Variants in SGIP1 observed in about 807,000 individuals in gnomAD.
SGIP1 encodes SH3GL interacting endocytic adaptor 1, also known as SH3-containing GRB2-like protein 3-interacting protein 1.
A neutral mutation model predicts 107.5 loss-of-function variants in SGIP1; 38 were observed. The observed-to-expected ratio is 0.35, with a 90% CI of 0.27 to 0.46. SGIP1 has a LOEUF of 0.46. SGIP1 is among the 20% of genes least tolerant of loss of function. The pLI is 1.00. For synonymous variants in SGIP1, 365 were observed against 366.1 expected (o/e 1.00, Z 0.03); for missense variants, 929 against 1,019.5 (o/e 0.91, Z 1.21).
intron 1 of SGIP1, among the ~76,000 whole-genome samples, chr1:66,572,448 A>G (rs2060509572): frequency 6.6e-6 from 1 of 151,972 alleles, no homozygotes; most frequent in South Asian, 2.1e-4. Context: ...CCTAATTTCT[A>G]CCTAATTGCT....
chr1:66,635,937 A>G lies in SGIP1; in HGVS notation c.100-7A>G, dbSNP rs1483564502. Reference sequence around the variant, plus strand: ...ACTTTTTTCTACATGAAAACAATCAATTCCAGCAGCCCAGCCCACACGAAC... The same window carrying G: ...ACTTTTTTCTACATGAAAACAATCAGTTCCAGCAGCCCAGCCCACACGAAC... On this transcript the variant is annotated splice_polypyrimidine_tract_variant and splice_region_variant and intron_variant, in intron 3 of 24. Transcript: ENST00000371037. The G allele has an allele frequency of 1.1e-5, 18 of 1,613,536 alleles. No individual in the cohort carries two copies. The highest frequency in any genetic ancestry group is 1.7e-5 in the Admixed American group (1 of 59,918).
chr1:66,744,881 C>A lies in SGIP1; in HGVS notation c.*1786C>A, dbSNP rs2094532686. The A allele has an allele frequency of 6.6e-6, 1 of 152,288 alleles. No homozygotes were observed. The highest frequency in any genetic ancestry group is 6.6e-5 in the Admixed American group (1 of 15,254). 9.4% of individuals were successfully genotyped at this position (152,288 alleles called of 1,614,324 possible). A position where few individuals can be genotyped will look rare whatever the true frequency, so the allele number is the denominator to read the frequency against. On this transcript the variant is annotated 3_prime_UTR_variant, in exon 25 of 25. Transcript: ENST00000371037. Reference sequence around the variant, plus strand: ...TATACTCATTTTATGTAAAGGTATCCAATTTGATTTTGAAACCAAAATAGA... The same window carrying A: ...TATACTCATTTTATGTAAAGGTATCAAATTTGATTTTGAAACCAAAATAGA...
intron 18 of SGIP1, among the ~76,000 whole-genome samples, chr1:66,700,687 G>T (rs1025629833): frequency 6.6e-6 from 1 of 151,932 alleles, no homozygotes; most frequent in Non-Finnish European, 1.5e-5. Flanking sequence ...TTTTTGGGTT[G>T]TGAACATTCA....
intron 7 of SGIP1, among the ~76,000 whole-genome samples, chr1:66,648,751 T>C (rs4655649): frequency 0.14 from 21,482 of 152,132 alleles, 2,284 homozygotes; most frequent in East Asian, 0.51. Context: ...AAATATTTTG[T>C]TCTAGAATTT....
chr1:66,625,180 A>C (rs752217004), intron 1 of SGIP1, among the ~76,000 whole-genome samples: 7 of 152,220 alleles, frequency 4.6e-5, no homozygotes, highest in Non-Finnish European at 1.0e-4. Flanking sequence ...AGGATTAAGA[A>C]GCCCTGCAGA....
intron 7 of SGIP1, among the ~76,000 whole-genome samples, chr1:66,655,470 A>G (rs2079565208): frequency 6.6e-6 from 1 of 152,128 alleles, no homozygotes; most frequent in Non-Finnish European, 1.5e-5. Context: ...AATACTAAAT[A>G]CTTTCCTTAT....
At chr1:66,741,461 A>G in intron 24 of SGIP1, 25 bp downstream of exon 24, 1 of 1,537,260 alleles carries the variant, frequency 6.5e-7, no homozygotes, top group African/African-American at 1.4e-5. Flanking sequence ...TGATTTTTTC[A>G]TTTGCGAAAA....
At chr1:66,564,736 C>T (rs1187698582) in intron 1 of SGIP1, among the ~76,000 whole-genome samples, 1 of 151,856 alleles carries the variant, frequency 6.6e-6, no homozygotes, top group Non-Finnish European at 1.5e-5. Flanking sequence ...TAACTTTGAT[C>T]TAGTGGTCAC....
At chr1:66,742,362 G>GT (rs949954901) in intron 24 of SGIP1, among the ~76,000 whole-genome samples, 24 of 148,036 alleles carry the variant, frequency 1.6e-4, no homozygotes, top group South Asian at 4.3e-4. Context: ...ATAAATCCTG[G>GT]TTTTTTTATG....
At chr1:66,540,168 T>C (rs2054582101) in intron 1 of SGIP1, among the ~76,000 whole-genome samples, 1 of 151,994 alleles carries the variant, frequency 6.6e-6, no homozygotes, top group Non-Finnish European at 1.5e-5. Flanking sequence ...ATGAAACAAT[T>C]AGGAAATAAG....
intron 22 of SGIP1, among the ~76,000 whole-genome samples, 169 bp from the exon 23 acceptor site, chr1:66,740,489 G>A (rs920805499): frequency 6.6e-6 from 1 of 152,102 alleles, no homozygotes; most frequent in South Asian, 2.1e-4. Flanking sequence ...GGAAAAAAGA[G>A]ATTTATGTAT....
At chr1:66,645,107 A>G (rs1178055132) in intron 7 of SGIP1, among the ~76,000 whole-genome samples, 1 of 152,168 alleles carries the variant, frequency 6.6e-6, no homozygotes, top group Non-Finnish European at 1.5e-5. Flanking sequence ...TGTGCAGTTT[A>G]TTTTATTCAC....
At chr1:66,589,659 G>A (rs2063313512) in intron 1 of SGIP1, among the ~76,000 whole-genome samples, 2 of 151,938 alleles carry the variant, frequency 1.3e-5, no homozygotes, top group Admixed American at 1.3e-4. Context: ...ATTACCCCCA[G>A]CCCCTGAATT....
intron 17 of SGIP1, chr1:66,694,822 T>C: frequency 3.5e-6 from 1 of 287,016 alleles, no homozygotes; most frequent in Non-Finnish European, 6.4e-6. Flanking sequence ...TCACTGCTTT[T>C]TAATTTAAAA....
At chr1:66,534,983 G>C (rs1444268145) in intron 1 of SGIP1, among the ~76,000 whole-genome samples, 1 of 152,118 alleles carries the variant, frequency 6.6e-6, no homozygotes, top group African/African-American at 2.4e-5. Context: ...CTGATTCGGG[G>C]TCTTATCAGG....
intron 1 of SGIP1, among the ~76,000 whole-genome samples, chr1:66,615,236 G>A (rs1458499983): frequency 6.6e-6 from 1 of 152,134 alleles, no homozygotes; most frequent in Non-Finnish European, 1.5e-5. Flanking sequence ...CCAGTTTCAA[G>A]CTATTCTCCT....
intron 1 of SGIP1, among the ~76,000 whole-genome samples, chr1:66,576,410 G>T (rs146508009): frequency 6.6e-6 from 1 of 152,158 alleles, no homozygotes; most frequent in African/African-American, 2.4e-5. Flanking sequence ...TGGCTGAGCC[G>T]CATAAAAGCT....
intron 15 of SGIP1, among the ~76,000 whole-genome samples, chr1:66,688,464 C>A (rs1440743781): frequency 1.3e-5 from 2 of 152,204 alleles, no homozygotes; most frequent in Non-Finnish European, 2.9e-5. Flanking sequence ...CAAAAATCGT[C>A]ATGGGCAAAC....
intron 1 of SGIP1, among the ~76,000 whole-genome samples, chr1:66,575,115 G>A (rs1246240903): frequency 6.6e-6 from 1 of 152,146 alleles, no homozygotes; most frequent in Non-Finnish European, 1.5e-5. Context: ...CATCTCCATA[G>A]TCCTGATCAC....
Sources: allele counts gnomAD v4.1 joint callset (sites outside exome capture counted in the v4.1 genomes callset), GRCh38; gene constraint gnomAD v4.1.1; transcripts MANE v1.5; gene names NCBI Gene and HGNC (gene_info 2026-07-23, HGNC 2026-07-21).